RAB40B: variants seen among roughly 807,000 people sequenced by gnomAD.
RAB40B encodes the protein ras-related protein Rab-40B.
A neutral mutation model predicts 24.0 loss-of-function variants in RAB40B; 21 were observed. The ratio of observed to expected loss-of-function variants is 0.88; its 90% CI spans 0.62 to 1.26. The LOEUF (loss-of-function observed/expected upper bound fraction) is 1.26, where lower values mean the gene tolerates loss of function less well. Among genes scored for constraint, RAB40B ranks in the 50% most tolerant of loss-of-function variants. RAB40B has a pLI of 0.00. For missense variants in RAB40B, 348 were observed against 390.5 expected, an observed-to-expected ratio of 0.89 and a Z score of 0.92; for synonymous variants, 167 against 169.8, an observed-to-expected ratio of 0.98 and a Z score of 0.13.
At chr17:82,659,846 A>T in intron 3 of RAB40B, 189 bp from the exon 4 acceptor site, 1 of 569,056 alleles carries the variant, frequency 1.8e-6, no homozygotes, top group Admixed American at 2.8e-5. Context: ...TCAGTGATAA[A>T]CCCTCAAATG....
At chr17:82,666,107 C>A (rs896788978) in intron 1 of RAB40B, among the ~76,000 whole-genome samples, 4 of 151,954 alleles carry the variant, frequency 2.6e-5, no homozygotes, top group African/African-American at 9.7e-5. Flanking sequence ...TGCCACCACA[C>A]CTGCCACCGC....
chr17:82,682,408 C>T (rs570928634), intron 1 of RAB40B, among the ~76,000 whole-genome samples: 1 of 152,160 alleles, frequency 6.6e-6, no homozygotes, highest in African/African-American at 2.4e-5. Flanking sequence ...TAAAAGGAAT[C>T]AAAGAAGACC....
intron 1 of RAB40B, among the ~76,000 whole-genome samples, chr17:82,693,029 G>A (rs1182535507): frequency 2.0e-5 from 3 of 151,148 alleles, no homozygotes; most frequent in Admixed American, 1.3e-4. Context: ...TGGAGACAGA[G>A]TCCCACTCTG....
chr17:82,698,607 C>T lies in RAB40B; in HGVS notation c.-11G>A. 6.9e-7 allele frequency: 1 copy of T among 1,443,502 alleles called. No homozygotes were observed. The highest frequency in any genetic ancestry group is 1.3e-5 in the South Asian group (1 of 74,362). 89.4% of individuals were successfully genotyped at this position (1,443,502 alleles called of 1,614,324 possible). The stretch of plus-strand genomic sequence containing the variant: ...GCCCAGGGCGCTCATCGTGACGGCC[C>T]GGCGCCCCCACCCATGCCCGGCCTG... On this transcript the variant is annotated 5_prime_UTR_variant, in exon 1 of 6. Coordinates refer to ENST00000571995, the MANE Select transcript of RAB40B (RefSeq NM_006822.3).
chr17:82,683,834 GAAAAGA>G, intron 1 of RAB40B, among the ~76,000 whole-genome samples: 1 of 148,210 alleles, frequency 6.7e-6, no homozygotes, highest in African/African-American at 2.5e-5. Flanking sequence ...GAAAAGAAAA[GAAAAGA>G]AAAAGTGGGC....
intron 1 of RAB40B, among the ~76,000 whole-genome samples, chr17:82,681,020 CAAAAAAAAAAAA>C (rs201799464): frequency 5.3e-5 from 5 of 93,956 alleles, no homozygotes; most frequent in African/African-American, 8.8e-5. Flanking sequence ...GACTCCATCT[CAAAAAAAAAAAA>C]AAAAAAAAAA....
intron 1 of RAB40B, among the ~76,000 whole-genome samples, chr17:82,684,431 T>C (rs2143535983): frequency 6.6e-6 from 1 of 152,278 alleles, no homozygotes. Context: ...ACTCCACCCC[T>C]GGATATTTAC....
intron 1 of RAB40B, among the ~76,000 whole-genome samples, chr17:82,672,274 G>C (rs1246577929): frequency 6.8e-4 from 1 of 1,464 alleles, no homozygotes; most frequent in Non-Finnish European, 2.0e-3. Flanking sequence ...ACCCCACCCC[G>C]TAACTCTAAC....
At position 82,657,966 on chromosome 17, in the gene RAB40B, G is replaced by A; in HGVS notation, c.734C>T (p.Thr245Ile). ...MMHGGSYSLT[T>I]SSTHKRSSLR... ...GCTGCTCCTTTTGTGGGTGGAGCTG[G>A]TGGTGAGGGAGTAGGAACCGCCGTG... The change falls in exon 6 of 6, where the codon ACC (threonine) becomes ATC (isoleucine). Residue 245 changes from threonine (T) to isoleucine (I), a missense_variant. Thr to Ile is a moderately conservative substitution (Grantham distance 89). Transcript: ENST00000571995. 2 of 1,614,204 alleles carry A rather than the reference G, an allele frequency of 1.2e-6. No homozygotes were observed. Among genetic ancestry groups the A allele is most frequent in the Non-Finnish European group, 1.7e-6 (2 of 1,180,044 alleles).
Position 82,659,639 on chromosome 17 carries a change from C to G in RAB40B, c.283G>C (p.Asp95His). ...TCAAAAGACCAGCGGTTCGCAATGTCATAGACCAGGATCACACCCTGGGGG... is the reference window on the plus strand; with the variant it reads ...TCAAAAGACCAGCGGTTCGCAATGTGATAGACCAGGATCACACCCTGGGGG... Reference protein sequence around the residue: ...RGAQGVILVYDIANRWSFDGI... With the variant: ...RGAQGVILVYHIANRWSFDGI... The change falls in exon 4 of 6, where the codon GAC (aspartate) becomes CAC (histidine). Residue 95 changes from aspartate to histidine, a missense_variant. Asp to His is a moderately conservative substitution (Grantham distance 81). Transcript: ENST00000571995. 6.2e-7 allele frequency: 1 copy of G among 1,614,174 alleles called. No individual in the cohort carries two copies. Among genetic ancestry groups the G allele is most frequent in the Non-Finnish European group, 8.5e-7 (1 of 1,180,034 alleles).
chr17:82,677,011 C>T (rs928880251), intron 1 of RAB40B, among the ~76,000 whole-genome samples: 1 of 150,992 alleles, frequency 6.6e-6, no homozygotes, highest in African/African-American at 2.4e-5. Flanking sequence ...TGCAGTGGCA[C>T]GATCTCGGCT....
intron 1 of RAB40B, among the ~76,000 whole-genome samples, chr17:82,666,733 A>G (rs2046262586): frequency 6.6e-6 from 1 of 152,216 alleles, no homozygotes. Flanking sequence ...GGGTAGGAGC[A>G]CTGCCTTCCT....
chr17:82,664,669 A>C, intron 1 of RAB40B, 113 bp from the exon 2 acceptor site: 1 of 1,040,722 alleles, frequency 9.6e-7, no homozygotes, highest in Non-Finnish European at 1.4e-6. Context: ...CAGGTTTACA[A>C]GGCAGGCGGA....
intron 1 of RAB40B, among the ~76,000 whole-genome samples, chr17:82,685,174 A>G (rs2046485416): frequency 3.4e-5 from 5 of 147,036 alleles, no homozygotes; most frequent in African/African-American, 9.9e-5. Flanking sequence ...TAAGTAAACC[A>G]TATCTCAATA....
rs770238101 is a variant in RAB40B at position 82,692,687 on chromosome 17, C to T, written c.142+5768G>A. On this transcript the variant is annotated intron_variant, in intron 1 of 5. Coordinates refer to ENST00000571995, the MANE Select transcript of RAB40B (RefSeq NM_006822.3). This position sits in a 1 kb window ranked among gnomAD's most constrained non-coding sequence, Gnocchi z 4.0. ...GCAGCCATTCATGTCAAAGGTAAAA[C>T]GATGCTTGTAGAGAACATTTTTTTT... 6.6e-6 allele frequency among the ~76,000 whole-genome samples: 1 copy of T among 152,170 alleles called. No individual in the cohort carries two copies. Among genetic ancestry groups the T allele is most frequent in the East Asian group, 1.9e-4 (1 of 5,198 alleles).
At chr17:82,671,328 C>T (rs1404523953) in intron 1 of RAB40B, among the ~76,000 whole-genome samples, 3 of 142,596 alleles carry the variant, frequency 2.1e-5, no homozygotes, top group African/African-American at 9.1e-5. Context: ...CACTCACACG[C>T]TCTCTGTACT....
chr17:82,689,886 G>GGACCCAGGAGGCGGAGGTTGCA (rs1352593885), intron 1 of RAB40B, among the ~76,000 whole-genome samples: 2 of 151,632 alleles, frequency 1.3e-5, no homozygotes, highest in Admixed American at 1.3e-4. Context: ...AGAATTGCTT[G>GGACCCAGGAGGCGGAGGTTGCA]GACCCAGGAG....
At position 82,692,300 on chromosome 17, in the gene RAB40B, G is replaced by A. The variant is rs1248130771; in HGVS notation, c.142+6155C>T. Among the ~76,000 whole-genome samples the A allele has an allele frequency of 2.0e-5, 3 of 152,208 alleles. No homozygotes were observed. Among genetic ancestry groups the A allele is most frequent in the African/African-American group, 7.2e-5 (3 of 41,448 alleles). On this transcript the variant is annotated intron_variant, in intron 1 of 5. Transcript: ENST00000571995. The surrounding 1 kb of genome is among the most constrained non-coding windows in gnomAD (Gnocchi z 4.0). The stretch of plus-strand genomic sequence containing the variant: ...TCTGTGGAGTCAAGTTGCCGACAGG[G>A]TCCAAGATCCAAGAACTCTGCCCTG...
intron 1 of RAB40B, among the ~76,000 whole-genome samples, chr17:82,678,389 A>AC (rs1247882397): frequency 6.6e-6 from 1 of 152,222 alleles, no homozygotes; most frequent in Non-Finnish European, 1.5e-5. Flanking sequence ...GAGTCAGAAA[A>AC]CAGGGACAAA....
Sources: gnomAD v4.1 joint callset for allele counts (sites outside exome capture counted in the v4.1 genomes callset) on GRCh38, gnomAD v4.1.1 for gene constraint, Gnocchi (gnomAD v3.1) non-coding constraint, MANE v1.5 for transcripts, NCBI Gene and HGNC (gene_info 2026-07-23, HGNC 2026-07-21) for gene names.